Variants in AMMECR1 observed in about 807,000 individuals in gnomAD.
The protein encoded by AMMECR1 is nuclear protein AMMECR1.
In AMMECR1, 3 loss-of-function variants were observed where a neutral mutation model predicts 22.5. The observed-to-expected ratio is 0.13, with a 90% CI of 0.06 to 0.35. The LOEUF (loss-of-function observed/expected upper bound fraction) is 0.35, where lower values mean the gene tolerates loss of function less well. AMMECR1 is among the 10% of genes least tolerant of loss of function. AMMECR1 has a pLI of 1.00. For synonymous variants in AMMECR1, 130 were observed against 116.7 expected, an observed-to-expected ratio of 1.11 and a Z score of -0.74; for missense variants, 235 against 278.7, an observed-to-expected ratio of 0.84 and a Z score of 1.12.
intron 4 of AMMECR1, 129 bp downstream of exon 4, chrX:110,202,317 G>C: frequency 2.1e-6 from 1 of 485,324 alleles, no homozygotes; most frequent in East Asian, 3.8e-5. Flanking sequence ...TGGCAGTGAT[G>C]GAAGAGTCAC....
At chrX:110,336,356 A>G (rs2068141230) in intron 2 of AMMECR1, among the ~76,000 whole-genome samples, 1 of 110,942 alleles carries the variant, frequency 9.0e-6, no homozygotes, top group African/African-American at 3.3e-5. Context: ...GTACTCGTAG[A>G]TGAACATTAT....
At chrX:110,425,308 G>T (rs2068745871) in intron 2 of AMMECR1, among the ~76,000 whole-genome samples, 1 of 111,942 alleles carries the variant, frequency 8.9e-6, no homozygotes, top group African/African-American at 3.3e-5. Flanking sequence ...ATGGGTAATT[G>T]GATCCTGGCC....
intron 3 of AMMECR1, among the ~76,000 whole-genome samples, chrX:110,212,498 G>A (rs1230691766): frequency 8.9e-6 from 1 of 111,915 alleles, no homozygotes; most frequent in East Asian, 2.8e-4. Flanking sequence ...TACGTTAGAA[G>A]CTTCTGTTTG....
chrX:110,330,852 T>A (rs2068117949), intron 2 of AMMECR1, among the ~76,000 whole-genome samples: 1 of 111,758 alleles, frequency 8.9e-6, no homozygotes, highest in Admixed American at 9.5e-5. Flanking sequence ...TCACTTTATG[T>A]TTACTGCTAG....
chrX:110,422,592 G>A (rs956438109), intron 2 of AMMECR1, among the ~76,000 whole-genome samples: 1 of 112,434 alleles, frequency 8.9e-6, no homozygotes, highest in Non-Finnish European at 1.9e-5. Flanking sequence ...TTTTCACATC[G>A]CAAATGTAAC....
intron 2 of AMMECR1, among the ~76,000 whole-genome samples, chrX:110,404,281 G>A (rs1182987859): frequency 1.8e-5 from 2 of 111,213 alleles, no homozygotes; most frequent in Non-Finnish European, 3.8e-5. Flanking sequence ...CTTCATTGCT[G>A]TCTTCTGAAG....
chrX:110,431,355 G>GTGTGTGTGT (rs1569428611), intron 1 of AMMECR1, among the ~76,000 whole-genome samples: 1 of 108,966 alleles, frequency 9.2e-6, no homozygotes, highest in Non-Finnish European at 1.9e-5. Context: ...GTGTGTGTGT[G>GTGTGTGTGT]CTGGCTGAGG....
At chrX:110,293,531 G>A (rs904406321) in intron 1 of AMMECR1, among the ~76,000 whole-genome samples, 1 of 111,159 alleles carries the variant, frequency 9.0e-6, no homozygotes, top group Non-Finnish European at 1.9e-5. Context: ...TGACACATTA[G>A]GGGGCCTGAT....
At chrX:110,303,914 G>A (rs1173003265) in intron 1 of AMMECR1, among the ~76,000 whole-genome samples, 2 of 112,102 alleles carry the variant, frequency 1.8e-5, no homozygotes, top group African/African-American at 6.5e-5. Context: ...GGGAATAACA[G>A]AAGGGAGTTA....
At chrX:110,394,686 G>C (rs1022589757) in intron 2 of AMMECR1, among the ~76,000 whole-genome samples, 1 of 112,863 alleles carries the variant, frequency 8.9e-6, no homozygotes, top group Non-Finnish European at 1.9e-5. Context: ...AGGCTGGTTG[G>C]AGGACGAGGA....
chrX:110,340,785 G>A (rs1158442691), intron 2 of AMMECR1, among the ~76,000 whole-genome samples: 1 of 112,442 alleles, frequency 8.9e-6, no homozygotes, highest in African/African-American at 3.2e-5. Context: ...TGTCATCAAG[G>A]ATGATGGCAC....
intron 3 of AMMECR1, among the ~76,000 whole-genome samples, chrX:110,203,231 G>A (rs1270499252): frequency 8.9e-6 from 1 of 111,812 alleles, no homozygotes; most frequent in Non-Finnish European, 1.9e-5. Context: ...TCACTGTAGT[G>A]CATTATTGCA....
At chrX:110,267,922 T>C (rs766340168) in intron 1 of AMMECR1, among the ~76,000 whole-genome samples, 1 of 112,112 alleles carries the variant, frequency 8.9e-6, no homozygotes, top group African/African-American at 3.2e-5. Flanking sequence ...TTTCTTATAA[T>C]GCCATGCTAT....
chrX:110,202,484 C>A lies in AMMECR1; in HGVS notation c.752G>T (p.Arg251Leu). ...AACCTCCGGTAGGTAGGTGGCGGTGCGTTTTGATCCTTTTTCATTGATGAA... is the reference window on the plus strand; with the variant it reads ...AACCTCCGGTAGGTAGGTGGCGGTGAGTTTTGATCCTTTTTCATTGATGAA... ...IEFINEKGSK[R>L]TATYLPEVAK... The change falls in exon 4 of 6, where the codon CGC becomes CTC. Residue 251 changes from arginine (R) to leucine (L), a missense_variant. Coordinates refer to ENST00000262844, the MANE Select transcript of AMMECR1 (RefSeq NM_015365.3). The A allele has an allele frequency of 8.3e-7, 1 of 1,208,861 alleles. No individual in the cohort carries two copies. Among genetic ancestry groups the A allele is most frequent in the South Asian group, 1.8e-5 (1 of 56,762 alleles).
intron 2 of AMMECR1, among the ~76,000 whole-genome samples, chrX:110,337,726 A>G (rs746102371): frequency 8.9e-6 from 1 of 112,489 alleles, no homozygotes; most frequent in African/African-American, 3.2e-5. Context: ...ATATACCCAA[A>G]TGACTTGAAA....
chrX:110,337,709 C>T (rs1387396499), intron 2 of AMMECR1, among the ~76,000 whole-genome samples: 3 of 112,060 alleles, frequency 2.7e-5, no homozygotes, highest in Non-Finnish European at 5.6e-5. Context: ...CAATTTTGCT[C>T]ATGGGTATAT....
intron 1 of AMMECR1, among the ~76,000 whole-genome samples, chrX:110,296,280 A>G (rs2067935454): frequency 8.9e-6 from 1 of 112,176 alleles, no homozygotes; most frequent in African/African-American, 3.2e-5. Context: ...TGTTAAGCTT[A>G]TTGAGGATCC....
intron 2 of AMMECR1, among the ~76,000 whole-genome samples, chrX:110,360,996 T>C (rs1478302071): frequency 3.6e-5 from 4 of 111,463 alleles, no homozygotes; most frequent in Non-Finnish European, 5.7e-5. Flanking sequence ...TATTTGCTGA[T>C]GAGTCACAAA....
At chrX:110,200,923 T>A in intron 5 of AMMECR1, 31 bp downstream of exon 5, 1 of 1,068,966 alleles carries the variant, frequency 9.4e-7, no homozygotes, top group Non-Finnish European at 1.3e-6. Context: ...AATGTACAGG[T>A]TAGCCTTGTG....
Sources: gnomAD v4.1 joint callset for allele counts (sites outside exome capture counted in the v4.1 genomes callset) on GRCh38, gnomAD v4.1.1 for gene constraint, MANE v1.5 for transcripts, NCBI Gene and HGNC (gene_info 2026-07-23, HGNC 2026-07-21) for gene names.